The following SLC15A5 variants were observed in gnomAD, a reference collection of about 807,000 sequenced individuals.
SLC15A5 encodes the protein Peptide/histidine transporter ENSP00000340402.
SLC15A5 carries 58 observed loss-of-function variants against 56.1 expected under a neutral mutation model. That is an observed-to-expected ratio of 1.03 (90% CI 0.84 to 1.29). The LOEUF (loss-of-function observed/expected upper bound fraction) is 1.29. Ranked by LOEUF, SLC15A5 falls within the 50% of genes most tolerant of loss-of-function variation. The pLI, the probability that SLC15A5 is intolerant of heterozygous loss-of-function variation, is 0.00. For synonymous variants in SLC15A5, 264 were observed against 250.5 expected (o/e 1.05, Z -0.51); for missense variants, 681 against 672.1 (o/e 1.01, Z -0.15).
chr12:16,217,105 A>C, intron 6 of SLC15A5, 81 bp from the exon 7 acceptor site: 1 of 1,390,106 alleles, frequency 7.2e-7, no homozygotes, highest in Non-Finnish European at 9.4e-7. Flanking sequence ...GATGTTGATC[A>C]TGTATCAAAG....
rs1347445273 is a variant in SLC15A5 at position 16,205,558 on chromosome 12, AT to A, written c.1484-11106del. Among the ~76,000 whole-genome samples, 25 of 42,428 alleles carry A rather than the reference AT, an allele frequency of 5.9e-4. 1 individual carries two copies. Among genetic ancestry groups the A allele is most frequent in the African/African-American group, 3.3e-3 (25 of 7,674 alleles). 27.8% of individuals were successfully genotyped at this position (42,428 alleles called of 152,430 possible). On this transcript the variant is annotated intron_variant, in intron 7 of 8. Coordinates refer to ENST00000344941, the MANE Select transcript of SLC15A5 (RefSeq NM_001170798.1). ...CATATATATATATGTATATATATAT[AT>A]TCCATAAGAAGGGAAAGGTGCATAT...
chr12:16,218,826 G>A (rs905659600), intron 6 of SLC15A5, among the ~76,000 whole-genome samples: 2 of 151,924 alleles, frequency 1.3e-5, no homozygotes, highest in African/African-American at 4.8e-5. Context: ...TGCTCCTCTC[G>A]GGAATATTTA....
At chr12:16,206,297 A>G (rs1315801921) in intron 7 of SLC15A5, among the ~76,000 whole-genome samples, 11 of 152,244 alleles carry the variant, frequency 7.2e-5, no homozygotes. Flanking sequence ...GTGAAGATGT[A>G]ATGAAATAGT....
rs1453649748 is a variant in SLC15A5 at position 16,209,264 on chromosome 12, A to G, written c.1483+7629T>C. 2.2e-4 allele frequency among the ~76,000 whole-genome samples: 34 copies of G among 152,012 alleles called. 1 individual carries two copies. The highest frequency in any genetic ancestry group is 2.2e-3 in the Admixed American group (34 of 15,266). Reference sequence around the variant, plus strand: ...TACATATGTGCATATACATATATACATACATATACACACATATATGTGTGT... The same window carrying G: ...TACATATGTGCATATACATATATACGTACATATACACACATATATGTGTGT... On this transcript the variant is annotated intron_variant, in intron 7 of 8. Transcript: ENST00000344941.
At chr12:16,197,176 T>A (rs1444653389) in intron 7 of SLC15A5, among the ~76,000 whole-genome samples, 1 of 152,146 alleles carries the variant, frequency 6.6e-6, no homozygotes, top group Non-Finnish European at 1.5e-5. Flanking sequence ...TTCTTAAATA[T>A]CATTTTTAGC....
At chr12:16,197,831 G>A (rs1330730069) in intron 7 of SLC15A5, among the ~76,000 whole-genome samples, 1 of 151,662 alleles carries the variant, frequency 6.6e-6, no homozygotes, top group East Asian at 1.9e-4. Flanking sequence ...CCGCTCTTAG[G>A]TACTATAACT....
chr12:16,233,761 C>T (rs900746530), intron 5 of SLC15A5, among the ~76,000 whole-genome samples: 1 of 152,072 alleles, frequency 6.6e-6, no homozygotes, highest in Non-Finnish European at 1.5e-5. Flanking sequence ...GTAGGTATCA[C>T]CTGGGGGCTT....
chr12:16,245,957 C>T (rs1864457151), intron 3 of SLC15A5, among the ~76,000 whole-genome samples: 1 of 152,042 alleles, frequency 6.6e-6, no homozygotes, highest in Non-Finnish European at 1.5e-5. Flanking sequence ...GTCTTTTCTT[C>T]AAGAGTTGTA....
chr12:16,277,351 T>C lies in SLC15A5; in HGVS notation c.335A>G (p.Tyr112Cys), dbSNP rs1013555179. Residue 112 changes from tyrosine (Y) to cysteine (C), a missense_variant, in exon 1 of 9, where the codon TAC becomes TGC. Tyr to Cys is a radical substitution (Grantham distance 194). Coordinates refer to ENST00000344941, the MANE Select transcript of SLC15A5 (RefSeq NM_001170798.1). ...TAGAAAATGTAGAAACAAGCAAATG[T>C]ACACCAGTTTGTTTCTTCCTAAATA... Reference protein sequence around the residue: ...DVYLGRNKLVYICLFLHFLGT... With the variant: ...DVYLGRNKLVCICLFLHFLGT... The C allele has an allele frequency of 9.1e-6, 14 of 1,533,890 alleles. No homozygotes were observed. Among genetic ancestry groups the C allele is most frequent in the African/African-American group, 4.1e-5 (3 of 72,882 alleles).
In SLC15A5 at chr12:16,224,467, A is replaced by G; in HGVS notation, c.1298T>C (p.Leu433Pro). ...TCCAAGTAAAACATACTGAAGAATCAGGTAGAAACAGGGCATGGAGGAAAC... is the reference window on the plus strand; with the variant it reads ...TCCAAGTAAAACATACTGAAGAATCGGGTAGAAACAGGGCATGGAGGAAAC... Reference protein sequence around the residue: ...LTVSSMPCFYLILQYVLLGVA... With the variant: ...LTVSSMPCFYPILQYVLLGVA... The change falls in exon 6 of 9, where the codon CTG becomes CCG. Residue 433 changes from leucine (L) to proline (P), a missense_variant. Leu to Pro is a moderately conservative substitution (Grantham distance 98, BLOSUM62 -3). Coordinates refer to ENST00000344941, the MANE Select transcript of SLC15A5 (RefSeq NM_001170798.1). 3 of 1,537,274 alleles carry G rather than the reference A, an allele frequency of 2.0e-6. No homozygotes were observed. The highest frequency in any genetic ancestry group is 2.6e-6 in the Non-Finnish European group (3 of 1,146,890).
At position 16,277,310 on chromosome 12, in the gene SLC15A5, G is replaced by A. The variant is rs1319587447; in HGVS notation, c.361+15C>T. 1.3e-6 allele frequency: 2 copies of A among 1,497,212 alleles called. No individual in the cohort carries two copies. Among genetic ancestry groups the A allele is most frequent in the Non-Finnish European group, 1.8e-6 (2 of 1,127,334 alleles). The allele number at this position is 1,497,212 out of a possible 1,614,324, so 92.7% of individuals were successfully genotyped here. A position where few individuals can be genotyped will look rare whatever the true frequency, so the allele number is the denominator to read the frequency against. On this transcript the variant is annotated intron_variant, in intron 1 of 8. Coordinates refer to ENST00000344941, the MANE Select transcript of SLC15A5 (RefSeq NM_001170798.1). ...ATTAAGTCACAAAACAATCCAGTCA[G>A]CAGAGGACACTCACCTAGAAAATGT... is the stretch of plus-strand genomic sequence containing the variant.
At chr12:16,223,378 C>T (rs919501127) in intron 6 of SLC15A5, among the ~76,000 whole-genome samples, 2 of 151,914 alleles carry the variant, frequency 1.3e-5, no homozygotes, top group Admixed American at 6.6e-5. Context: ...TCCTACTACA[C>T]GAAAATTTAA....
At chr12:16,239,586 A>C (rs1218135840) in intron 5 of SLC15A5, 95 bp downstream of exon 5, 2 of 1,199,198 alleles carry the variant, frequency 1.7e-6, no homozygotes, top group African/African-American at 1.5e-5. Context: ...AAAATCTGAC[A>C]CTACTCAGGA....
chr12:16,192,025 G>A (rs1022569118), intron 8 of SLC15A5, among the ~76,000 whole-genome samples: 1 of 152,144 alleles, frequency 6.6e-6, no homozygotes, highest in Non-Finnish European at 1.5e-5. Context: ...TAGTATAGAA[G>A]TGTAGAAGCA....
Position 16,207,652 on chromosome 12 carries a change from CT to C in SLC15A5, c.1483+9240del, listed in dbSNP as rs1039573246. Among the ~76,000 whole-genome samples the C allele has an allele frequency of 9.5e-4, 138 of 145,500 alleles. 1 individual carries two copies. The highest frequency in any genetic ancestry group is 1.2e-3 in the Non-Finnish European group (80 of 65,734). On this transcript the variant is annotated intron_variant, in intron 7 of 8. Coordinates refer to ENST00000344941, the MANE Select transcript of SLC15A5 (RefSeq NM_001170798.1). ...AACACCACCAGCGATATTTTTTTTT[CT>C]TTTTTTTTTTGAGACGGAGTTTTGC...
At position 16,196,775 on chromosome 12, in the gene SLC15A5, A is replaced by G. The variant is rs906586741; in HGVS notation, c.1484-2322T>C. 2.0e-5 allele frequency among the ~76,000 whole-genome samples: 3 copies of G among 152,142 alleles called. No individual in the cohort carries two copies. The highest frequency in any genetic ancestry group is 4.8e-5 in the African/African-American group (2 of 41,450). Reference sequence around the variant, plus strand: ...AATAAGTAATTGAAAAGACTATATTATAAGAGAGTCAGATGAGGAAGAAGA... The same window carrying G: ...AATAAGTAATTGAAAAGACTATATTGTAAGAGAGTCAGATGAGGAAGAAGA... On this transcript the variant is annotated intron_variant, in intron 7 of 8. Coordinates refer to ENST00000344941, the MANE Select transcript of SLC15A5 (RefSeq NM_001170798.1). The surrounding 1 kb of genome is among the most constrained non-coding windows in gnomAD (Gnocchi z 4.0).
chr12:16,234,295 T>G (rs1864326594), intron 5 of SLC15A5, among the ~76,000 whole-genome samples: 1 of 152,164 alleles, frequency 6.6e-6, no homozygotes, highest in African/African-American at 2.4e-5. Context: ...GGGGATAAAT[T>G]TCAACATGAA....
At position 16,257,993 on chromosome 12, in the gene SLC15A5, T is replaced by C. The variant is rs895317827; in HGVS notation, c.585-123A>G. 2.6e-5 allele frequency: 22 copies of C among 839,448 alleles called. No homozygotes were observed. The African/African-American group carries it at 3.7e-4, about 14-fold the overall frequency. 52.0% of individuals were successfully genotyped at this position (839,448 alleles called of 1,614,324 possible). A position where few individuals can be genotyped will look rare whatever the true frequency, so the allele number is the denominator to read the frequency against. ...TGATGGCATGTTAACTGAACCCAAT[T>C]TTGCAAATGTTGTTTATCAGATTTC... On this transcript the variant is annotated intron_variant, in intron 2 of 8. Transcript: ENST00000344941.
chr12:16,257,620 T>G (rs2136807349), intron 3 of SLC15A5, 81 bp downstream of exon 3: 2 of 1,136,742 alleles, frequency 1.8e-6, no homozygotes, highest in South Asian at 2.7e-5. Context: ...GAAAGAGAAG[T>G]TATAAAGAAT....
Sources: allele counts gnomAD v4.1 joint callset (sites outside exome capture counted in the v4.1 genomes callset), GRCh38; gene constraint gnomAD v4.1.1; non-coding constraint Gnocchi (gnomAD v3.1); transcripts MANE v1.5; gene names NCBI Gene and HGNC (gene_info 2026-07-23, HGNC 2026-07-21).